RAB27A: variants seen among roughly 807,000 people sequenced by gnomAD.
The protein encoded by RAB27A is ras-related protein Rab-27A.
Under a neutral mutation model 20.8 loss-of-function variants are expected in RAB27A, and 17 were observed. That is an observed-to-expected ratio of 0.82 (90% CI 0.56 to 1.23). The LOEUF (loss-of-function observed/expected upper bound fraction) is 1.23. Among genes scored for constraint, RAB27A ranks in the 50% most tolerant of loss-of-function variants. The pLI, the probability that RAB27A is intolerant of heterozygous loss-of-function variation, is 0.00. For synonymous variants in RAB27A, 85 were observed against 92.8 expected (o/e 0.92, Z 0.48); for missense variants, 277 against 266.7 (o/e 1.04, Z -0.27).
intron 1 of RAB27A, among the ~76,000 whole-genome samples, chr15:55,314,721 C>A (rs1392367387): frequency 6.6e-6 from 1 of 152,096 alleles, no homozygotes; most frequent in Admixed American, 6.5e-5. Context: ...TGTGAAGGAC[C>A]TCTTCAAGGA....
At chr15:55,305,019 A>C (rs886549152) in intron 2 of RAB27A, among the ~76,000 whole-genome samples, 11 of 152,200 alleles carry the variant, frequency 7.2e-5, no homozygotes, top group African/African-American at 2.7e-4. Flanking sequence ...CTCAGGCGAT[A>C]GATGATTGGC....
At chr15:55,296,705 T>C (rs1200063721) in intron 2 of RAB27A, among the ~76,000 whole-genome samples, 2 of 152,122 alleles carry the variant, frequency 1.3e-5, no homozygotes, top group African/African-American at 4.8e-5. Flanking sequence ...TGGAGCATGC[T>C]GAGAGCCTGG....
rs190590233 is a variant in RAB27A, at chr15:55,317,423, T to C, written c.-234+1508A>G. 118 of 240,470 alleles carry C rather than the reference T, an allele frequency of 4.9e-4. 1 individual carries two copies. The East Asian group carries it at 6.8e-3, about 14-fold the overall frequency. The allele number at this position is 240,470 out of a possible 1,614,324, so 14.9% of individuals were successfully genotyped here. A position where few individuals can be genotyped will look rare whatever the true frequency, so the allele number is the denominator to read the frequency against. ...TCTGCCTCCCAGGTTCAAGTGATGC[T>C]CCTGCCTCAGCCTCCCAAGTAGCTG... On this transcript the variant is annotated intron_variant, in intron 1 of 5. Coordinates refer to the RAB27A transcript ENST00000563262.
rs376004384 is a variant in RAB27A at position 55,305,613 on chromosome 15, G to T, written c.-112+8426C>A. On this transcript the variant is annotated intron_variant, in intron 2 of 5. Transcript: ENST00000563262. ...GTGTTTTGAAGCTCCTCTGCTCTACGTTGTATTTGATCTTGAATTTAACTT... is the reference window on the plus strand; with the variant it reads ...GTGTTTTGAAGCTCCTCTGCTCTACTTTGTATTTGATCTTGAATTTAACTT... Among the ~76,000 whole-genome samples, 204 of 151,364 alleles carry T rather than the reference G, an allele frequency of 1.3e-3. 2 individuals are homozygous for T. Among genetic ancestry groups the T allele is most frequent in the African/African-American group, 4.8e-3 (196 of 41,234 alleles).
At chr15:55,237,527 T>C (rs1896308619) in intron 2 of RAB27A, 1 of 152,174 alleles carries the variant, frequency 6.6e-6, no homozygotes, top group African/African-American at 2.4e-5. Context: ...AGCTTGGATA[T>C]TTGCAAGTAT....
chr15:55,274,044 T>C (rs1430770829), intron 1 of RAB27A, among the ~76,000 whole-genome samples: 1 of 152,148 alleles, frequency 6.6e-6, no homozygotes, highest in Non-Finnish European at 1.5e-5. Context: ...ATCATATTAA[T>C]TATCTTTTCT....
chr15:55,228,848 G>C (rs748508098), intron 4 of RAB27A, 136 bp from the exon 5 acceptor site: 2 of 710,844 alleles, frequency 2.8e-6, no homozygotes, highest in Non-Finnish European at 5.1e-6. Context: ...AAGTATATAG[G>C]ATAGTTATTT....
In RAB27A at chr15:55,214,253, G is replaced by A. The variant is rs558996471; in HGVS notation, c.468-8548C>T. On this transcript the variant is annotated intron_variant, in intron 6 of 6. Transcript: ENST00000336787. ...AGATCGAGACCATCCTGGCTAACAT[G>A]GTGAAACCCCGTCTCTACTAAAAAT... Among the ~76,000 whole-genome samples, 137 of 152,284 alleles carry A rather than the reference G, an allele frequency of 9.0e-4. 1 individual carries two copies. Among genetic ancestry groups the A allele is most frequent in the East Asian group, 4.6e-3 (24 of 5,180 alleles).
At chr15:55,319,106 A>C (rs2141153891) in exon 1 of RAB27A, 1 of 959,860 alleles carries the variant, frequency 1.0e-6, no homozygotes, top group Non-Finnish European at 1.5e-6. Context: ...GGAGGCCACC[A>C]CGTCGGGTGG....
At chr15:55,232,224 G>A (rs1273906886) in intron 3 of RAB27A, among the ~76,000 whole-genome samples, 1 of 152,180 alleles carries the variant, frequency 6.6e-6, no homozygotes, top group Non-Finnish European at 1.5e-5. Flanking sequence ...CTCATTAGCT[G>A]TCCACTAAGT....
At chr15:55,214,636 G>C (rs1249227991) in intron 6 of RAB27A, among the ~76,000 whole-genome samples, 1 of 152,118 alleles carries the variant, frequency 6.6e-6, no homozygotes, top group Non-Finnish European at 1.5e-5. Flanking sequence ...GGTCTTCGCA[G>C]TTTTTAAACC....
In RAB27A at chr15:55,296,389, G is replaced by A. The variant is rs148718223; in HGVS notation, c.-112+17650C>T. Among the ~76,000 whole-genome samples the A allele has an allele frequency of 3.9e-3, 594 of 152,052 alleles. 7 individuals are homozygous for A. The highest frequency in any genetic ancestry group is 0.014 in the African/African-American group (568 of 41,528). On this transcript the variant is annotated intron_variant, in intron 2 of 5. Transcript: ENST00000563262. Reference sequence around the variant, plus strand: ...CACATGCCTGTGGTCCCAGCTACTCGGGAGGCTGAGGCATGAGAATCACTT... The same window carrying A: ...CACATGCCTGTGGTCCCAGCTACTCAGGAGGCTGAGGCATGAGAATCACTT...
Position 55,234,849 on chromosome 15 carries a change from T to C in RAB27A, c.86A>G (p.Tyr29Cys). Residue 29 changes from tyrosine to cysteine, a missense_variant, in exon 3 of 7, where the codon TAT becomes TGT. By Grantham distance (194) the Tyr-to-Cys change is radical (BLOSUM62 -2). Coordinates refer to ENST00000336787, the MANE Select transcript of RAB27A (RefSeq NM_183235.3). ...GVGKTSVLYQ[Y>C]TDGKFNSKFI... Reference sequence around the variant, plus strand: ...TTTGGAGTTAAATTTACCATCTGTATATTGGTAAAGTACACTGGTCTTCCC... The same window carrying C: ...TTTGGAGTTAAATTTACCATCTGTACATTGGTAAAGTACACTGGTCTTCCC... 1 of 1,611,120 alleles carries C rather than the reference T, an allele frequency of 6.2e-7. No homozygotes were observed. Among genetic ancestry groups the C allele is most frequent in the Non-Finnish European group, 8.5e-7 (1 of 1,177,532 alleles).
At position 55,214,280 on chromosome 15, in the gene RAB27A, C is replaced by CA. The variant is rs1170339263; in HGVS notation, c.468-8576dup. 5.3e-5 allele frequency among the ~76,000 whole-genome samples: 8 copies of CA among 152,248 alleles called. No homozygotes were observed. In the East Asian group the frequency reaches 1.2e-3, roughly 22 times the overall value. ...TGAAACCCCGTCTCTACTAAAAATA[C>CA]AAAAAATTAGCCAGGCATGGTGGTG... On this transcript the variant is annotated intron_variant, in intron 6 of 6. Transcript: ENST00000336787.
chr15:55,251,364 G>A (rs1201712630), intron 2 of RAB27A, among the ~76,000 whole-genome samples: 4 of 152,134 alleles, frequency 2.6e-5, no homozygotes, highest in African/African-American at 7.2e-5. Context: ...CTGGAAATGA[G>A]TCCTGGAAAA....
At chr15:55,231,433 G>A (rs1896027800) in intron 3 of RAB27A, among the ~76,000 whole-genome samples, 2 of 151,954 alleles carry the variant, frequency 1.3e-5, no homozygotes, top group South Asian at 2.1e-4. Flanking sequence ...CAAAAACAGT[G>A]GTAAAAATTG....
intron 6 of RAB27A, among the ~76,000 whole-genome samples, chr15:55,222,431 T>C (rs1469243097): frequency 1.3e-5 from 2 of 152,154 alleles, no homozygotes; most frequent in African/African-American, 4.8e-5. Flanking sequence ...CTGCAATCTA[T>C]CAATCTCTAG....
intron 5 of RAB27A, among the ~76,000 whole-genome samples, chr15:55,227,598 C>G (rs1895861536): frequency 6.6e-6 from 1 of 152,214 alleles, no homozygotes; most frequent in African/African-American, 2.4e-5. Context: ...AAAGCCAAAG[C>G]TTCATATCCT....
At chr15:55,267,756 T>C (rs1309374282) in intron 2 of RAB27A, among the ~76,000 whole-genome samples, 1 of 151,844 alleles carries the variant, frequency 6.6e-6, no homozygotes, top group Non-Finnish European at 1.5e-5. Context: ...AAAACAGAAA[T>C]GGAGGCAGGA....
Sources: allele counts gnomAD v4.1 joint callset (sites outside exome capture counted in the v4.1 genomes callset), GRCh38; gene constraint gnomAD v4.1.1; transcripts MANE v1.5; gene names NCBI Gene and HGNC (gene_info 2026-07-23, HGNC 2026-07-21).